NKAIN2: variants seen among roughly 807,000 people sequenced by gnomAD.
The protein encoded by NKAIN2 is sodium/potassium transporting ATPase interacting 2, also known as sodium/potassium-transporting ATPase subunit beta-1-interacting protein 2.
A neutral mutation model predicts 32.6 loss-of-function variants in NKAIN2; 14 were observed. The ratio of observed to expected loss-of-function variants is 0.43; its 90% CI spans 0.28 to 0.67. The LOEUF is 0.67. Among genes scored for constraint, NKAIN2 ranks in the 30% least tolerant of loss-of-function variants. The probability of loss-of-function intolerance (pLI) is 0.17; values close to 1 mark genes in which losing one functional copy is unlikely to be tolerated. For synonymous variants in NKAIN2, 80 were observed against 87.2 expected, an observed-to-expected ratio of 0.92 and a Z score of 0.46; for missense variants, 198 against 258.3, an observed-to-expected ratio of 0.77 and a Z score of 1.60.
At chr6:124,316,112 A>G (rs2115012587) in intron 2 of NKAIN2, among the ~76,000 whole-genome samples, 1 of 152,186 alleles carries the variant, frequency 6.6e-6, no homozygotes, top group Middle Eastern at 3.4e-3. Flanking sequence ...ATATTTGAAA[A>G]TAAGTGGAAA....
chr6:124,230,722 G>A (rs768044656), intron 1 of NKAIN2, among the ~76,000 whole-genome samples: 10 of 152,210 alleles, frequency 6.6e-5, no homozygotes, highest in African/African-American at 1.9e-4. Context: ...CGGGTGCACC[G>A]AAGTTAAGAA....
intron 1 of NKAIN2, among the ~76,000 whole-genome samples, chr6:124,168,176 T>C (rs1292791867): frequency 6.6e-6 from 1 of 152,192 alleles, no homozygotes; most frequent in South Asian, 2.1e-4. Context: ...AAGTTCATAT[T>C]ACATCATTGT....
intron 2 of NKAIN2, among the ~76,000 whole-genome samples, chr6:124,304,226 T>C (rs1796418521): frequency 6.6e-6 from 1 of 152,164 alleles, no homozygotes; most frequent in South Asian, 2.1e-4. Context: ...ATTTCCACCT[T>C]CCCATCCATG....
At chr6:124,277,568 T>G (rs894771957) in intron 1 of NKAIN2, among the ~76,000 whole-genome samples, 1 of 152,104 alleles carries the variant, frequency 6.6e-6, no homozygotes, top group Non-Finnish European at 1.5e-5. Context: ...TCTTTGTTGA[T>G]TCCTGGAATT....
chr6:124,616,426 T>G (rs1273103184), intron 3 of NKAIN2, among the ~76,000 whole-genome samples: 1 of 146,764 alleles, frequency 6.8e-6, no homozygotes, highest in African/African-American at 2.5e-5. Context: ...TTTTTTCTTT[T>G]TCTTTTCTTT....
intron 1 of NKAIN2, among the ~76,000 whole-genome samples, chr6:123,893,771 C>T (rs1282605004): frequency 2.0e-5 from 3 of 152,214 alleles, no homozygotes; most frequent in Non-Finnish European, 4.4e-5. Context: ...TCACCCCCAA[C>T]CCTTGGCTTT....
intron 3 of NKAIN2, among the ~76,000 whole-genome samples, chr6:124,448,992 A>G (rs62437465): frequency 0.081 from 12,330 of 152,144 alleles, 652 homozygotes; most frequent in African/African-American, 0.13. Flanking sequence ...AAATAACATC[A>G]TAAGTAAGTG....
At chr6:124,154,128 A>AT (rs1362205403) in intron 1 of NKAIN2, among the ~76,000 whole-genome samples, 1 of 151,704 alleles carries the variant, frequency 6.6e-6, no homozygotes, top group Non-Finnish European at 1.5e-5. Flanking sequence ...ATATTGATTG[A>AT]TTTTTCAAAT....
At chr6:124,516,781 G>A (rs758355638) in intron 3 of NKAIN2, among the ~76,000 whole-genome samples, 6 of 152,086 alleles carry the variant, frequency 3.9e-5, no homozygotes, top group African/African-American at 1.2e-4. Flanking sequence ...TTCTCTGCTC[G>A]TCAAAGAGTT....
Position 124,560,582 on chromosome 6 carries a change from A to C in NKAIN2, c.274-97604A>C, listed in dbSNP as rs74900299. On this transcript the variant is annotated intron_variant, in intron 3 of 6. Transcript: ENST00000368417. ...AAGTTATTTAACTTTTCTGTTTCTC[A>C]CTTTCTTCATCTTTCAAATGAATAC... 2.0e-3 allele frequency among the ~76,000 whole-genome samples: 302 copies of C among 152,252 alleles called. 10 individuals are homozygous for C. The East Asian group carries it at 0.042, about 21-fold the overall frequency.
At chr6:124,679,554 A>G (rs539589907) in intron 4 of NKAIN2, among the ~76,000 whole-genome samples, 5 of 152,254 alleles carry the variant, frequency 3.3e-5, no homozygotes, top group Non-Finnish European at 7.4e-5. Context: ...CTAGTTTTGC[A>G]ATCACCTGGG....
At chr6:124,036,137 A>T (rs982696658) in intron 1 of NKAIN2, among the ~76,000 whole-genome samples, 3 of 152,112 alleles carry the variant, frequency 2.0e-5, no homozygotes, top group African/African-American at 7.2e-5. Flanking sequence ...CATTGATTTC[A>T]TAGCCGCAAA....
intron 1 of NKAIN2, among the ~76,000 whole-genome samples, chr6:124,076,849 A>G (rs1298879020): frequency 1.3e-5 from 2 of 152,180 alleles, no homozygotes; most frequent in South Asian, 2.1e-4. Context: ...CAGTTCTGTG[A>G]GCTCATATAG....
At position 124,079,096 on chromosome 6, in the gene NKAIN2, T is replaced by C. The variant is rs573021799; in HGVS notation, c.55-203909T>C. Among the ~76,000 whole-genome samples, 35 of 152,012 alleles carry C rather than the reference T, an allele frequency of 2.3e-4. 1 individual carries two copies. The South Asian group carries it at 6.8e-3, about 30-fold the overall frequency. Reference sequence around the variant, plus strand: ...CAGCACTTTGGGAGGGCGAGGCAGGTGGATCACTTGAGGTCAGGAGTTTGA... The same window carrying C: ...CAGCACTTTGGGAGGGCGAGGCAGGCGGATCACTTGAGGTCAGGAGTTTGA... On this transcript the variant is annotated intron_variant, in intron 1 of 6. Coordinates refer to ENST00000368417, the MANE Select transcript of NKAIN2 (RefSeq NM_001040214.3).
chr6:124,778,932 T>C (rs1038304707), intron 4 of NKAIN2, among the ~76,000 whole-genome samples: 4 of 152,070 alleles, frequency 2.6e-5, no homozygotes, highest in Admixed American at 6.6e-5. Flanking sequence ...AGAATTAATA[T>C]ATTTTTTGCT....
rs1252239384 is a variant in NKAIN2 at position 124,710,374 on chromosome 6, C to G, written c.474+51988C>G. 7.3e-5 allele frequency among the ~76,000 whole-genome samples: 11 copies of G among 151,718 alleles called. No homozygotes were observed. The East Asian group carries it at 2.1e-3, about 29-fold the overall frequency. On this transcript the variant is annotated intron_variant, in intron 4 of 6. Transcript: ENST00000368417. Reference sequence around the variant, plus strand: ...CTTGGTGCAGAGCTGAGTTCAATTCCTGGGTATCCTTGTTGACTTTCTGTC... The same window carrying G: ...CTTGGTGCAGAGCTGAGTTCAATTCGTGGGTATCCTTGTTGACTTTCTGTC...
intron 3 of NKAIN2, among the ~76,000 whole-genome samples, chr6:124,493,838 T>C (rs1777966129): frequency 6.6e-6 from 1 of 151,240 alleles, no homozygotes; most frequent in Non-Finnish European, 1.5e-5. Flanking sequence ...AACTCATGAC[T>C]GGTTGACACG....
At chr6:124,780,729 G>A (rs1779225569) in intron 4 of NKAIN2, among the ~76,000 whole-genome samples, 1 of 152,186 alleles carries the variant, frequency 6.6e-6, no homozygotes, top group South Asian at 2.1e-4. Context: ...CTCTCCACCT[G>A]ATATGAGACT....
chr6:124,405,753 C>T (rs527531848), intron 3 of NKAIN2, among the ~76,000 whole-genome samples: 4 of 151,744 alleles, frequency 2.6e-5, no homozygotes, highest in African/African-American at 4.8e-5. Context: ...TGTGATATCC[C>T]CCCAAAATAT....
Sources: allele counts gnomAD v4.1 joint callset (sites outside exome capture counted in the v4.1 genomes callset), GRCh38; gene constraint gnomAD v4.1.1; transcripts MANE v1.5; gene names NCBI Gene and HGNC (gene_info 2026-07-23, HGNC 2026-07-21).